Variants in APC2 observed in about 807,000 individuals in gnomAD.
APC2 encodes the protein APC regulator of Wnt signaling pathway 2, also known as adenomatous polyposis coli protein 2.
A neutral mutation model predicts 72.5 loss-of-function variants in APC2; 41 were observed. The observed-to-expected ratio is 0.57, with a 90% CI of 0.44 to 0.73. The LOEUF (loss-of-function observed/expected upper bound fraction) is 0.73. Ranked by LOEUF, APC2 falls within the 30% of genes least tolerant of loss-of-function variation. The probability of loss-of-function intolerance (pLI) is 0.00; values close to 1 mark genes in which losing one functional copy is unlikely to be tolerated. For synonymous variants in APC2, 1,898 were observed against 1,612.0 expected (o/e 1.18, Z -4.25); for missense variants, 3,729 against 3,403.4 (o/e 1.10, Z -2.38).
intron 14 of APC2, among the ~76,000 whole-genome samples, chr19:1,464,443 C>G (rs2083973052): frequency 1.3e-5 from 2 of 152,044 alleles, no homozygotes; most frequent in African/African-American, 4.8e-5. Flanking sequence ...GTAATCCCAG[C>G]CCTTTGGGAG....
chr19:1,467,957 C>T lies in APC2; in HGVS notation c.4656C>T (p.Ser1552=). The stretch of plus-strand genomic sequence containing the variant: ...GCCGGAAGGAGGCCCCTGCCCCGTC[C>T]AAGGCTGCACCAGCTGCCCCGCCGC... ...PQGRKEAPAP[S]KAAPAAPPPA... Residue 1552 remains serine (S), a synonymous_variant, in exon 15 of 15, where the codon TCC becomes TCT. Coordinates refer to ENST00000590469, the MANE Select transcript of APC2 (RefSeq NM_005883.3). 2 of 1,582,358 alleles carry T rather than the reference C, an allele frequency of 1.3e-6. No individual in the cohort carries two copies. The highest frequency in any genetic ancestry group is 8.5e-7 in the Non-Finnish European group (1 of 1,173,264).
chr19:1,460,127 GGGCAGCA>G, intron 10 of APC2, 47 bp from the exon 11 acceptor site: 1 of 1,609,350 alleles, frequency 6.2e-7, no homozygotes, highest in Non-Finnish European at 8.5e-7. Flanking sequence ...GTGGGGCGCT[GGGCAGCA>G]GGCAGGGTCA....
upstream of APC2, among the ~76,000 whole-genome samples, chr19:1,447,836 G>A (rs113898705): frequency 3.0e-4 from 45 of 152,244 alleles, no homozygotes; most frequent in African/African-American, 9.6e-4. Context: ...GTGAACTCAG[G>A]CAACACGTTC....
chr19:1,468,660 GTGC>G lies in APC2; in HGVS notation c.5361_5363del (p.Leu1788del). On this transcript the variant is annotated inframe_deletion, in exon 15 of 15. Coordinates refer to ENST00000590469, the MANE Select transcript of APC2 (RefSeq NM_005883.3). ...GAAGACCACGCCCGGGGTGCCAGCT[GTGC>G]TCCGGGGACGAACAGTGATCTACGT... is the stretch of plus-strand genomic sequence containing the variant. The G allele has an allele frequency of 6.3e-7, 1 of 1,584,734 alleles. No homozygotes were observed. Among genetic ancestry groups the G allele is most frequent in the Non-Finnish European group, 8.6e-7 (1 of 1,163,732 alleles).
At chr19:1,465,027 A>G in intron 14 of APC2, 128 bp from the exon 15 acceptor site, 1 of 958,974 alleles carries the variant, frequency 1.0e-6, no homozygotes, top group Non-Finnish European at 1.5e-6. Flanking sequence ...TATACCAAAA[A>G]TTAGTCTTTC....
At chr19:1,450,967 A>C (rs2083735795) in intron 1 of APC2, among the ~76,000 whole-genome samples, 1 of 152,230 alleles carries the variant, frequency 6.6e-6, no homozygotes, top group East Asian at 1.9e-4. Context: ...GTCGCGGTGT[A>C]CATGGAGGAG....
In APC2 at chr19:1,457,518, T is replaced by C. The variant is rs55960003; in HGVS notation, c.1207+275T>C. The C allele has an allele frequency of 7.2e-3, 3,887 of 537,832 alleles. 128 individuals carry two copies. The highest frequency in any genetic ancestry group is 0.068 in the African/African-American group (3,410 of 50,320). 33.3% of individuals were successfully genotyped at this position (537,832 alleles called of 1,614,324 possible). A position where few individuals can be genotyped will look rare whatever the true frequency, so the allele number is the denominator to read the frequency against. On this transcript the variant is annotated intron_variant, in intron 9 of 14. Coordinates refer to ENST00000590469, the MANE Select transcript of APC2 (RefSeq NM_005883.3). Reference sequence around the variant, plus strand: ...AAGTTGGGTGCAGACTTTGAGATTCTTTTTTTGCAGTTGATCGCAAAGTTA... The same window carrying C: ...AAGTTGGGTGCAGACTTTGAGATTCCTTTTTTGCAGTTGATCGCAAAGTTA...
chr19:1,453,178 C>T (rs757989814), intron 2 of APC2, 36 bp downstream of exon 2: 23 of 1,578,038 alleles, frequency 1.5e-5, no homozygotes, highest in South Asian at 1.4e-4. Context: ...GCTAGGGTCC[C>T]GGGGTGGTGC....
Position 1,468,227 on chromosome 19 carries a change from C to G in APC2, c.4926C>G (p.Pro1642=). 1 of 1,483,224 alleles carries G rather than the reference C, an allele frequency of 6.7e-7. No homozygotes were observed. Among genetic ancestry groups the G allele is most frequent in the Non-Finnish European group, 8.9e-7 (1 of 1,124,236 alleles). The allele number at this position is 1,483,224 out of a possible 1,614,324, so 91.9% of individuals were successfully genotyped here. The change falls in exon 15 of 15, where the codon CCC becomes CCG. Residue 1642 remains proline, a synonymous_variant. Transcript: ENST00000590469. Reference sequence around the variant, plus strand: ...GCTCGGCCCTGCCCAGGCGCCGGCCCCCCGTGTCTGGCCTGCGGCGCCGCA... The same window carrying G: ...GCTCGGCCCTGCCCAGGCGCCGGCCGCCCGTGTCTGGCCTGCGGCGCCGCA... The part of the protein sequence containing the change: ...CISSALPRRR[P]PVSGLRRRKP...
At chr19:1,464,130 G>GA (rs2145225029) in intron 14 of APC2, among the ~76,000 whole-genome samples, 1 of 152,172 alleles carries the variant, frequency 6.6e-6, no homozygotes, top group South Asian at 2.1e-4. Flanking sequence ...CCAACATGGT[G>GA]AAACTCCGTC....
chr19:1,453,657 C>T lies in APC2; in HGVS notation c.413+46C>T, dbSNP rs762739257. ...AGCCTCGGGCAGCTGGAGCATGACT[C>T]GGTCCCCAGCGGGCTCTGCCCTCTA... is the stretch of plus-strand genomic sequence containing the variant. On this transcript the variant is annotated intron_variant, in intron 4 of 14. Transcript: ENST00000590469. 3.2e-5 allele frequency: 49 copies of T among 1,551,818 alleles called. No homozygotes were observed. In the Middle Eastern group the frequency reaches 6.9e-4, roughly 22 times the overall value.
Position 1,467,692 on chromosome 19 carries a change from G to T in APC2, c.4391G>T (p.Gly1464Val). 2 of 1,464,676 alleles carry T rather than the reference G, an allele frequency of 1.4e-6. No homozygotes were observed. The highest frequency in any genetic ancestry group is 1.8e-6 in the Non-Finnish European group (2 of 1,116,828). The allele number at this position is 1,464,676 out of a possible 1,614,324, so 90.7% of individuals were successfully genotyped here. A position where few individuals can be genotyped will look rare whatever the true frequency, so the allele number is the denominator to read the frequency against. The change falls in exon 15 of 15, where the codon GGG becomes GTG. Residue 1464 changes from glycine (G) to valine (V), a missense_variant. Transcript: ENST00000590469. ...CGGGGCGCGGGCAAGAACAGAGCAG[G>T]GCTGGAGCTGCCCCTGGGCCGGCCC... ...QSRGAGKNRA[G>V]LELPLGRPPS...
chr19:1,461,625 G>A (rs1346126832), intron 13 of APC2: 1 of 330,316 alleles, frequency 3.0e-6, no homozygotes, highest in Non-Finnish European at 5.6e-6. Flanking sequence ...GGCCGAGGCG[G>A]GCGGATCACA....
In APC2 at chr19:1,468,001, G is replaced by A. The variant is rs2084053503; in HGVS notation, c.4700G>A (p.Ser1567Asn). 1.3e-6 allele frequency: 2 copies of A among 1,585,498 alleles called. No individual in the cohort carries two copies. The highest frequency in any genetic ancestry group is 2.2e-5 in the South Asian group (2 of 89,746). ...AAPPPARTQP[S>N]LIADETPPCY... ...CCGCCGCCCGCCCGGACCCAGCCCA[G>A]CCTCATTGCTGACGAGACCCCGCCC... Residue 1567 changes from serine (S) to asparagine (N), a missense_variant, in exon 15 of 15, where the codon AGC (serine) becomes AAC (asparagine). Physicochemically the swap from Ser to Asn is conservative, Grantham distance 46. Transcript: ENST00000590469.
intron 1 of APC2, among the ~76,000 whole-genome samples, chr19:1,450,843 G>A (rs1172515124): frequency 6.6e-6 from 1 of 152,218 alleles, no homozygotes; most frequent in African/African-American, 2.4e-5. Flanking sequence ...AGGCAGAAGA[G>A]CTTCGTGGAA....
chr19:1,457,918 GACATTTCCT>G, intron 9 of APC2, 38 bp from the exon 10 acceptor site: 1 of 1,485,090 alleles, frequency 6.7e-7, no homozygotes, highest in Admixed American at 2.0e-5. Context: ...AGTCACCTGG[GACATTTCCT>G]GGGAATGGGG....
In APC2 at chr19:1,457,237, G is replaced by C; in HGVS notation, c.1201G>C (p.Gly401Arg). 1 of 1,528,070 alleles carries C rather than the reference G, an allele frequency of 6.5e-7. No individual in the cohort carries two copies. Among genetic ancestry groups the C allele is most frequent in the Admixed American group, 2.0e-5 (1 of 48,850 alleles). The allele number at this position is 1,528,070 out of a possible 1,614,324, so 94.7% of individuals were successfully genotyped here. The change falls in exon 9 of 15, where the codon GGC becomes CGC. Residue 401 changes from glycine to arginine, a missense_variant. Physicochemically the swap from Gly to Arg is moderately radical, Grantham distance 125. Coordinates refer to ENST00000590469, the MANE Select transcript of APC2 (RefSeq NM_005883.3). ...CGGCGGGCCCGAGGGAGGTGGCGCC[G>C]GCAGCGGTGAGTGCCTGGCCTGGTG... ...RDGGPEGGGA[G>R]SAPIPIEPQI...
Position 1,466,354 on chromosome 19 carries a change from G to C in APC2, c.3053G>C (p.Gly1018Ala). Reference sequence around the variant, plus strand: ...AGGGCGGGTGCAGAGCCCCTCGCGGGGCCTGGAATCTCTCCAGGGGCCCGG... The same window carrying C: ...AGGGCGGGTGCAGAGCCCCTCGCGGCGCCTGGAATCTCTCCAGGGGCCCGG... ...ASRAGAEPLA[G>A]PGISPGARKQ... The change falls in exon 15 of 15, where the codon GGG becomes GCG. Residue 1018 changes from glycine to alanine, a missense_variant. Transcript: ENST00000590469. 1 of 1,565,146 alleles carries C rather than the reference G, an allele frequency of 6.4e-7. No individual in the cohort carries two copies. The highest frequency in any genetic ancestry group is 8.6e-7 in the Non-Finnish European group (1 of 1,158,646).
At chr19:1,446,706 G>T (rs978189448), upstream of APC2, among the ~76,000 whole-genome samples, 1 of 152,028 alleles carries the variant, frequency 6.6e-6, no homozygotes, top group Non-Finnish European at 1.5e-5. This position sits in a 1 kb window ranked among gnomAD's most constrained non-coding sequence, Gnocchi z 6.1. Flanking sequence ...GGGGCATCCT[G>T]CGGAGGCTCG....
Sources: allele counts gnomAD v4.1 joint callset (sites outside exome capture counted in the v4.1 genomes callset), GRCh38; gene constraint gnomAD v4.1.1; non-coding constraint Gnocchi (gnomAD v3.1); transcripts MANE v1.5; gene names NCBI Gene and HGNC (gene_info 2026-07-23, HGNC 2026-07-21).